The following DSCAM variants were observed in gnomAD, a reference collection of about 807,000 sequenced individuals.
DSCAM encodes the protein cell adhesion molecule DSCAM.
A neutral mutation model predicts 217.7 loss-of-function variants in DSCAM; 47 were observed. The ratio of observed to expected loss-of-function variants is 0.22; its 90% CI spans 0.17 to 0.28. The LOEUF is 0.28. Among genes scored for constraint, DSCAM ranks in the 10% least tolerant of loss-of-function variants. The pLI, the probability that DSCAM is intolerant of heterozygous loss-of-function variation, is 1.00. For missense variants in DSCAM, 2,080 were observed against 2,618.3 expected, an observed-to-expected ratio of 0.79 and a Z score of 4.49; for synonymous variants, 1,056 against 1,015.3, an observed-to-expected ratio of 1.04 and a Z score of -0.76.
intron 1 of DSCAM, among the ~76,000 whole-genome samples, chr21:40,834,639 T>A (rs917363177): frequency 3.3e-5 from 5 of 151,984 alleles, no homozygotes; most frequent in African/African-American, 9.7e-5. Context: ...ATAGGGACAC[T>A]CACAGGCTCA....
intron 1 of DSCAM, among the ~76,000 whole-genome samples, chr21:40,775,695 G>A (rs2091481858): frequency 6.6e-6 from 1 of 152,148 alleles, no homozygotes; most frequent in African/African-American, 2.4e-5. Flanking sequence ...CCAGGATCCT[G>A]AGGTTTTCAA....
intron 11 of DSCAM, among the ~76,000 whole-genome samples, chr21:40,265,860 A>G (rs2073518978): frequency 6.6e-6 from 1 of 152,300 alleles, no homozygotes; most frequent in East Asian, 1.9e-4. Flanking sequence ...AAATTAACTC[A>G]AGGTGGATTA....
At chr21:40,062,837 A>T (rs1456619113) in intron 28 of DSCAM, 32 bp downstream of exon 28, 20 of 1,552,180 alleles carry the variant, frequency 1.3e-5, no homozygotes, top group Non-Finnish European at 1.7e-5. Flanking sequence ...TCTTTCAAAC[A>T]TGATATCTGG....
chr21:40,145,856 A>AAG (rs1324117833), intron 16 of DSCAM, among the ~76,000 whole-genome samples: 1 of 151,546 alleles, frequency 6.6e-6, no homozygotes, highest in Non-Finnish European at 1.5e-5. Flanking sequence ...AAAAGTAAAA[A>AAG]AAGATATGCG....
At chr21:40,523,339 G>C (rs568262502) in intron 3 of DSCAM, among the ~76,000 whole-genome samples, 90 of 152,162 alleles carry the variant, frequency 5.9e-4, no homozygotes, top group African/African-American at 2.0e-3. Context: ...TAAAAACCCC[G>C]AGACTCTAGC....
At chr21:40,393,246 C>T (rs9981186) in intron 3 of DSCAM, among the ~76,000 whole-genome samples, 61,615 of 152,052 alleles carry the variant, frequency 0.41, 13,890 homozygotes, top group South Asian at 0.62. Flanking sequence ...GCACCTTCCC[C>T]TTCATCATCC....
chr21:40,631,555 C>T (rs560360275), intron 3 of DSCAM, among the ~76,000 whole-genome samples: 21 of 152,306 alleles, frequency 1.4e-4, no homozygotes, highest in African/African-American at 4.8e-4. Context: ...ATTGGGTCTA[C>T]TCTTTTGTCC....
At chr21:40,498,981 T>C (rs13049995) in intron 3 of DSCAM, among the ~76,000 whole-genome samples, 3,307 of 151,624 alleles carry the variant, frequency 0.022, 51 homozygotes, top group Middle Eastern at 0.052. Flanking sequence ...ATTATAGCAA[T>C]GTAATACGCA....
chr21:40,301,150 T>C (rs773699903), intron 9 of DSCAM, among the ~76,000 whole-genome samples: 7 of 152,338 alleles, frequency 4.6e-5, no homozygotes, highest in Non-Finnish European at 8.8e-5. Context: ...CTTATTTAGA[T>C]TTCTCAGCCC....
At chr21:40,077,590 C>T (rs568750766) in intron 26 of DSCAM, among the ~76,000 whole-genome samples, 1 of 152,292 alleles carries the variant, frequency 6.6e-6, no homozygotes, top group Admixed American at 6.5e-5. Flanking sequence ...GAATCACTCT[C>T]CTAGAGAGCA....
chr21:40,725,574 AG>A (rs894079019), intron 1 of DSCAM, among the ~76,000 whole-genome samples: 10 of 152,366 alleles, frequency 6.6e-5, no homozygotes, highest in Admixed American at 5.2e-4. Context: ...AATGCAGCAA[AG>A]GGGGCATTGT....
chr21:40,828,768 GC>G (rs2091989860), intron 1 of DSCAM, among the ~76,000 whole-genome samples: 1 of 151,022 alleles, frequency 6.6e-6, no homozygotes. Context: ...TGATTCTCCA[GC>G]CTCAGCCTCC....
intron 2 of DSCAM, among the ~76,000 whole-genome samples, chr21:40,705,486 G>GA (rs1568994060): frequency 6.6e-6 from 1 of 152,060 alleles, no homozygotes; most frequent in Non-Finnish European, 1.5e-5. Context: ...AATTTATAAA[G>GA]AAAAGAGGTT....
intron 1 of DSCAM, among the ~76,000 whole-genome samples, chr21:40,731,731 C>CG (rs201725100): frequency 0.029 from 3,318 of 115,780 alleles, 108 homozygotes; most frequent in Middle Eastern, 0.052. Flanking sequence ...CCACTGCACC[C>CG]CCCCCCCCGC....
chr21:40,111,140 A>G (rs1334247652), intron 20 of DSCAM, among the ~76,000 whole-genome samples: 1 of 152,212 alleles, frequency 6.6e-6, no homozygotes, highest in South Asian at 2.1e-4. Context: ...GAAATGAAGG[A>G]AAAAATGTTA....
intron 3 of DSCAM, among the ~76,000 whole-genome samples, chr21:40,660,903 C>CA (rs1242324633): frequency 2.0e-5 from 3 of 152,160 alleles, no homozygotes; most frequent in Non-Finnish European, 4.4e-5. Context: ...TCCTCTATTG[C>CA]AAGGAGAACT....
intron 30 of DSCAM, among the ~76,000 whole-genome samples, chr21:40,050,390 A>C (rs1202698569): frequency 6.6e-6 from 1 of 152,202 alleles, no homozygotes; most frequent in Non-Finnish European, 1.5e-5. Flanking sequence ...AGTGGCTCTT[A>C]AACCCATTGG....
At chr21:40,536,701 C>T (rs779731011) in intron 3 of DSCAM, among the ~76,000 whole-genome samples, 5 of 152,148 alleles carry the variant, frequency 3.3e-5, no homozygotes, top group South Asian at 2.1e-4. Flanking sequence ...CCACTGCACC[C>T]GGTCCCGGTA....
intron 3 of DSCAM, among the ~76,000 whole-genome samples, chr21:40,463,926 C>T (rs2075824774): frequency 6.6e-6 from 1 of 152,162 alleles, no homozygotes; most frequent in Admixed American, 6.6e-5. Context: ...CTTTTCTTGG[C>T]TTCTAGGACA....
Sources: allele counts gnomAD v4.1 joint callset (sites outside exome capture counted in the v4.1 genomes callset), GRCh38; gene constraint gnomAD v4.1.1; transcripts MANE v1.5; gene names NCBI Gene and HGNC (gene_info 2026-07-23, HGNC 2026-07-21).